TXNDC16: variants seen among roughly 807,000 people sequenced by gnomAD.
TXNDC16 encodes the protein thioredoxin domain containing 16, also known as thioredoxin domain-containing protein 16.
TXNDC16 carries 74 observed loss-of-function variants against 85.6 expected under a neutral mutation model. The ratio of observed to expected loss-of-function variants is 0.86; its 90% CI spans 0.72 to 1.05. The LOEUF (loss-of-function observed/expected upper bound fraction) is 1.05, where lower values mean the gene tolerates loss of function less well. TXNDC16 is among the 50% of genes least tolerant of loss of function. The probability of loss-of-function intolerance (pLI) is 0.00; values close to 1 mark genes in which losing one functional copy is unlikely to be tolerated. For synonymous variants in TXNDC16, 335 were observed against 326.5 expected, an observed-to-expected ratio of 1.03 and a Z score of -0.28; for missense variants, 959 against 947.0, an observed-to-expected ratio of 1.01 and a Z score of -0.17.
chr14:52,531,700 A>AT (rs1359665957), intron 6 of TXNDC16, among the ~76,000 whole-genome samples: 1 of 152,134 alleles, frequency 6.6e-6, no homozygotes, highest in Non-Finnish European at 1.5e-5. Flanking sequence ...GGGGGTAGTG[A>AT]ATCTATTCTG....
chr14:52,541,458 C>G (rs1226477167), intron 4 of TXNDC16, among the ~76,000 whole-genome samples: 2 of 152,106 alleles, frequency 1.3e-5, no homozygotes, highest in African/African-American at 4.8e-5. Context: ...GAGATGATTG[C>G]CATTATCATT....
chr14:52,491,457 C>A (rs1055026474), intron 9 of TXNDC16, among the ~76,000 whole-genome samples: 1 of 150,608 alleles, frequency 6.6e-6, no homozygotes, highest in African/African-American at 2.4e-5. Flanking sequence ...CTTGGCCTTC[C>A]AAAGTGATGG....
In TXNDC16 at chr14:52,439,261, C is replaced by G; in HGVS notation, c.2137G>C (p.Glu713Gln). ...FAFPSDQAIIEENLVLWLKKL... is the reference protein window; with the variant it reads ...FAFPSDQAIIQENLVLWLKKL... ...TTCAGCCACAATACAAGGTTTTCTT[C>G]AATTATAGCCTGGTCTGAAGGAAAT... The change falls in exon 20 of 21, where the codon GAA becomes CAA. Residue 713 changes from glutamate to glutamine, a missense_variant. Physicochemically the swap from Glu to Gln is conservative, Grantham distance 29. Transcript: ENST00000281741. 1.2e-6 allele frequency: 2 copies of G among 1,614,042 alleles called. No homozygotes were observed. The highest frequency in any genetic ancestry group is 2.2e-5 in the South Asian group (2 of 91,056).
At chr14:52,470,729 C>T (rs775548081) in intron 14 of TXNDC16, 49 bp from the exon 15 acceptor site, 14 of 1,527,246 alleles carry the variant, frequency 9.2e-6, no homozygotes, top group East Asian at 2.3e-5. Flanking sequence ...GTAGAAAATG[C>T]ATTTGCTTAG....
In TXNDC16 at chr14:52,490,868, C is replaced by A. The variant is rs368223456; in HGVS notation, c.894G>T (p.Leu298=). 32 of 1,611,546 alleles carry A rather than the reference C, an allele frequency of 2.0e-5. No individual in the cohort carries two copies. The highest frequency in any genetic ancestry group is 2.7e-5 in the Non-Finnish European group (32 of 1,179,408). ...RTAEWVAWRL[L]GKAGVLLLLR... ...ACAAGAGTAGAACTCCTGCTTTTCC[C>A]AGAAGACGCCAAGCAACCCATTCTG... Residue 298 remains leucine (L), a synonymous_variant, in exon 10 of 21, where the codon CTG becomes CTT. Transcript: ENST00000281741.
intron 6 of TXNDC16, among the ~76,000 whole-genome samples, chr14:52,529,526 T>TTATATATAATGCCTATTATATATAA (rs1566580760): frequency 7.5e-4 from 77 of 102,676 alleles, no homozygotes; most frequent in East Asian, 1.2e-3. Context: ...ATTATATATA[T>TTATATATAATGCCTATTATATATAA]TATATATAAT....
At chr14:52,459,737 C>T (rs1392891958) in intron 16 of TXNDC16, among the ~76,000 whole-genome samples, 1 of 152,140 alleles carries the variant, frequency 6.6e-6, no homozygotes, top group Non-Finnish European at 1.5e-5. Flanking sequence ...TAGGCTTCAT[C>T]CCTGGGATGC....
chr14:52,472,485 C>T (rs924352086), intron 14 of TXNDC16, among the ~76,000 whole-genome samples: 6 of 152,118 alleles, frequency 3.9e-5, no homozygotes, highest in South Asian at 2.1e-4. Context: ...CGTGAGCCAC[C>T]GCGCCCGGCC....
intron 9 of TXNDC16, among the ~76,000 whole-genome samples, chr14:52,504,640 T>A (rs547131790): frequency 6.6e-6 from 1 of 152,282 alleles, no homozygotes; most frequent in African/African-American, 2.4e-5. Context: ...AGACCATCAA[T>A]GCTAGGAAGA....
In TXNDC16 at chr14:52,539,178, AAAT is replaced by A. The variant is rs528425170; in HGVS notation, c.244-1509_244-1507del. ...ATTAATATGTAGTGTTAAGTCCTAT[AAAT>A]AAAAAAATTGTAAGGGAATAGCATG... On this transcript the variant is annotated intron_variant, in intron 4 of 20. Coordinates refer to ENST00000281741, the MANE Select transcript of TXNDC16 (RefSeq NM_020784.3). Among the ~76,000 whole-genome samples the A allele has an allele frequency of 1.0e-3, 156 of 152,334 alleles. 1 individual carries two copies. The highest frequency in any genetic ancestry group is 3.5e-3 in the African/African-American group (146 of 41,580).
At chr14:52,435,257 T>TC (rs1371176254) in intron 20 of TXNDC16, among the ~76,000 whole-genome samples, 2 of 151,336 alleles carry the variant, frequency 1.3e-5, no homozygotes, top group Non-Finnish European at 3.0e-5. Flanking sequence ...TGTCTGCTTT[T>TC]TTTTTTTTTT....
chr14:52,482,391 ATTG>A (rs1341614698), intron 13 of TXNDC16, 102 bp from the exon 14 acceptor site: 3 of 945,412 alleles, frequency 3.2e-6, no homozygotes, highest in Non-Finnish European at 4.8e-6. Flanking sequence ...TCCCAAAATT[ATTG>A]TTAATCAGAA....
intron 6 of TXNDC16, among the ~76,000 whole-genome samples, chr14:52,531,205 C>T (rs531491717): frequency 6.0e-4 from 91 of 152,250 alleles, no homozygotes; most frequent in Middle Eastern, 3.4e-3. Context: ...CAGGAACTTT[C>T]ATTCATTGCT....
At chr14:52,434,457 T>C (rs759367184) in intron 20 of TXNDC16, among the ~76,000 whole-genome samples, 31 of 152,248 alleles carry the variant, frequency 2.0e-4, no homozygotes, top group Non-Finnish European at 4.0e-4. Context: ...TTAACATTTA[T>C]TGAGCCTTTA....
intron 6 of TXNDC16, among the ~76,000 whole-genome samples, chr14:52,532,598 G>A (rs963346301): frequency 6.6e-5 from 10 of 151,880 alleles, no homozygotes; most frequent in South Asian, 2.1e-4. Context: ...CACCACGCCC[G>A]GCTAATTTTT....
chr14:52,480,973 A>ATG (rs768104189), intron 14 of TXNDC16, among the ~76,000 whole-genome samples: 1 of 104,010 alleles, frequency 9.6e-6, no homozygotes, highest in Non-Finnish European at 1.9e-5. Flanking sequence ...ATATATATAT[A>ATG]TGTATATATA....
At chr14:52,475,366 C>T (rs2035997844) in intron 14 of TXNDC16, among the ~76,000 whole-genome samples, 1 of 152,164 alleles carries the variant, frequency 6.6e-6, no homozygotes, top group Non-Finnish European at 1.5e-5. Flanking sequence ...ACTCCACAGG[C>T]TGGGGAAGAA....
At chr14:52,517,625 C>A (rs2037114866) in intron 7 of TXNDC16, among the ~76,000 whole-genome samples, 2 of 152,216 alleles carry the variant, frequency 1.3e-5, no homozygotes, top group South Asian at 4.2e-4. Context: ...CTTCTGTGCT[C>A]CCACCCAAGA....
chr14:52,500,605 G>GT (rs2036634833), intron 9 of TXNDC16, among the ~76,000 whole-genome samples: 1 of 152,134 alleles, frequency 6.6e-6, no homozygotes, highest in Non-Finnish European at 1.5e-5. Context: ...ATCTTACACG[G>GT]TTTTTACAAC....
Sources: allele counts gnomAD v4.1 joint callset (sites outside exome capture counted in the v4.1 genomes callset), GRCh38; gene constraint gnomAD v4.1.1; transcripts MANE v1.5; gene names NCBI Gene and HGNC (gene_info 2026-07-23, HGNC 2026-07-21).